The following CHST8 variants were observed in gnomAD, a reference collection of about 807,000 sequenced individuals.
CHST8 encodes the protein carbohydrate sulfotransferase 8.
CHST8 carries 10 observed loss-of-function variants against 15.0 expected under a neutral mutation model. The ratio of observed to expected loss-of-function variants is 0.67; its 90% CI spans 0.41 to 1.13. The LOEUF is 1.13. Ranked by LOEUF, CHST8 falls within the 50% of genes most tolerant of loss-of-function variation. The probability of loss-of-function intolerance (pLI) is 0.00; values close to 1 mark genes in which losing one functional copy is unlikely to be tolerated. For synonymous variants in CHST8, 259 were observed against 256.6 expected (o/e 1.01, Z -0.09); for missense variants, 634 against 608.2 (o/e 1.04, Z -0.45).
intron 1 of CHST8, among the ~76,000 whole-genome samples, chr19:33,625,631 G>A (rs1972042907): frequency 6.6e-6 from 1 of 152,106 alleles, no homozygotes; most frequent in Admixed American, 6.5e-5. Flanking sequence ...GGAGGCCGAG[G>A]TGGGTGGATC....
At position 33,707,822 on chromosome 19, in the gene CHST8, G is replaced by A. The variant is rs550235229; in HGVS notation, c.130+18431G>A. On this transcript the variant is annotated intron_variant, in intron 3 of 4. Transcript: ENST00000650847. ...TAGTAAATTTACGTTAAATTTAAGGGATACTGACAAACTGTTGGCTAAAAT... is the reference window on the plus strand; with the variant it reads ...TAGTAAATTTACGTTAAATTTAAGGAATACTGACAAACTGTTGGCTAAAAT... Among the ~76,000 whole-genome samples the A allele has an allele frequency of 9.2e-5, 14 of 152,268 alleles. No individual in the cohort carries two copies. In the East Asian group the frequency reaches 2.3e-3, roughly 25 times the overall value.
At chr19:33,747,795 G>C (rs946894670) in intron 3 of CHST8, among the ~76,000 whole-genome samples, 1 of 152,108 alleles carries the variant, frequency 6.6e-6, no homozygotes, top group Non-Finnish European at 1.5e-5. Context: ...AATGTTTCAT[G>C]ACAAAAAACA....
At chr19:33,746,118 T>C (rs1215529742) in intron 3 of CHST8, among the ~76,000 whole-genome samples, 1 of 152,206 alleles carries the variant, frequency 6.6e-6, no homozygotes, top group East Asian at 1.9e-4. Flanking sequence ...TGCCATTTGG[T>C]GTTACTGAGA....
intron 1 of CHST8, among the ~76,000 whole-genome samples, chr19:33,651,652 A>G (rs780507769): frequency 3.3e-5 from 5 of 152,158 alleles, no homozygotes; most frequent in Non-Finnish European, 5.9e-5. Context: ...CTCATGAATT[A>G]TTTGGATGCA....
chr19:33,691,071 G>A (rs951147305), intron 3 of CHST8, among the ~76,000 whole-genome samples: 1 of 152,204 alleles, frequency 6.6e-6, no homozygotes, highest in African/African-American at 2.4e-5. Flanking sequence ...GACACTCCTG[G>A]ATGGGACTGT....
chr19:33,762,682 C>G (rs1974759465), intron 3 of CHST8, among the ~76,000 whole-genome samples: 1 of 152,224 alleles, frequency 6.6e-6, no homozygotes, highest in African/African-American at 2.4e-5. Flanking sequence ...AACCAATGGG[C>G]TCTGGCTCTG....
At chr19:33,735,962 C>G (rs80176421) in intron 3 of CHST8, among the ~76,000 whole-genome samples, 2,847 of 152,364 alleles carry the variant, frequency 0.019, 34 homozygotes, top group Non-Finnish European at 0.027. Flanking sequence ...CACCCGCCAC[C>G]TGGCAATGTC....
At chr19:33,678,946 G>A (rs1972847968) in intron 2 of CHST8, among the ~76,000 whole-genome samples, 2 of 152,184 alleles carry the variant, frequency 1.3e-5, no homozygotes, top group Admixed American at 1.3e-4. Context: ...CTCTTCATTC[G>A]CCACACATTG....
chr19:33,666,149 T>C (rs1372203100), intron 1 of CHST8, among the ~76,000 whole-genome samples: 1 of 152,226 alleles, frequency 6.6e-6, no homozygotes, highest in Non-Finnish European at 1.5e-5. Context: ...ATTAGTCACG[T>C]GGCTGGAGAT....
chr19:33,642,014 T>C (rs572453649), intron 1 of CHST8, among the ~76,000 whole-genome samples: 92 of 152,244 alleles, frequency 6.0e-4, no homozygotes, highest in African/African-American at 2.1e-3. Context: ...ACTGACAAGG[T>C]GGATGATTTC....
chr19:33,751,422 G>A (rs1974418436), intron 3 of CHST8, among the ~76,000 whole-genome samples: 1 of 152,248 alleles, frequency 6.6e-6, no homozygotes, highest in Non-Finnish European at 1.5e-5. Context: ...TGCTGTGGCG[G>A]CAGCTTGCCA....
intron 3 of CHST8, among the ~76,000 whole-genome samples, chr19:33,705,107 C>A (rs1004450236): frequency 6.6e-6 from 1 of 152,084 alleles, no homozygotes; most frequent in Non-Finnish European, 1.5e-5. Context: ...AGACCTGCCC[C>A]CTAGGCCCTA....
chr19:33,643,775 T>C (rs1424193380), intron 1 of CHST8, among the ~76,000 whole-genome samples: 4 of 152,210 alleles, frequency 2.6e-5, no homozygotes, highest in Non-Finnish European at 5.9e-5. Flanking sequence ...TTGTGTGATA[T>C]CACATTTTTA....
chr19:33,624,641 GT>G (rs1288080535), intron 1 of CHST8, among the ~76,000 whole-genome samples: 1 of 152,200 alleles, frequency 6.6e-6, no homozygotes, highest in African/African-American at 2.4e-5. Context: ...CTCAGAATTT[GT>G]CTTCAGTTCT....
intron 1 of CHST8, among the ~76,000 whole-genome samples, chr19:33,631,967 G>T (rs918907334): frequency 6.6e-6 from 1 of 152,160 alleles, no homozygotes; most frequent in African/African-American, 2.4e-5. Context: ...AGTGGCAGCT[G>T]CTACTGCTAT....
intron 3 of CHST8, among the ~76,000 whole-genome samples, chr19:33,738,158 G>A (rs1974120315): frequency 6.6e-6 from 1 of 152,132 alleles, no homozygotes; most frequent in African/African-American, 2.4e-5. Flanking sequence ...GTGGATTTGG[G>A]GGTTCTGTGA....
chr19:33,703,514 T>C (rs1263837742), intron 3 of CHST8, among the ~76,000 whole-genome samples: 1 of 152,256 alleles, frequency 6.6e-6, no homozygotes, highest in Non-Finnish European at 1.5e-5. Context: ...GGTCCAGTTC[T>C]GGAGGCCAAA....
intron 3 of CHST8, among the ~76,000 whole-genome samples, chr19:33,761,750 A>T (rs891334637): frequency 2.6e-5 from 4 of 152,032 alleles, no homozygotes; most frequent in Non-Finnish European, 5.9e-5. Flanking sequence ...AAGTGGGAGG[A>T]TCACTTGAGC....
intron 1 of CHST8, among the ~76,000 whole-genome samples, chr19:33,653,585 G>A (rs1473865935): frequency 6.6e-6 from 1 of 152,118 alleles, no homozygotes; most frequent in African/African-American, 2.4e-5. Flanking sequence ...CCTTTGAAAT[G>A]CAAGTCACAT....
Sources: allele counts gnomAD v4.1 joint callset (sites outside exome capture counted in the v4.1 genomes callset), GRCh38; gene constraint gnomAD v4.1.1; transcripts MANE v1.5; gene names NCBI Gene and HGNC (gene_info 2026-07-23, HGNC 2026-07-21).